SSUH2: variants seen among roughly 807,000 people sequenced by gnomAD.
SSUH2 encodes ssu-2 homolog.
SSUH2 carries 47 observed loss-of-function variants against 55.3 expected under a neutral mutation model. That is an observed-to-expected ratio of 0.85 (90% confidence interval 0.67 to 1.08). SSUH2 has a LOEUF of 1.08. Among genes scored for constraint, SSUH2 ranks in the 50% least tolerant of loss-of-function variants. The probability of loss-of-function intolerance (pLI) is 0.00; values close to 1 mark genes in which losing one functional copy is unlikely to be tolerated. For synonymous variants in SSUH2, 212 were observed against 191.5 expected (o/e 1.11, Z -0.89); for missense variants, 535 against 490.7 (o/e 1.09, Z -0.85).
intron 7 of SSUH2, among the ~76,000 whole-genome samples, chr3:8,628,904 G>T (rs1439398261): frequency 6.6e-6 from 1 of 152,238 alleles, no homozygotes; most frequent in Non-Finnish European, 1.5e-5. Flanking sequence ...CGCCCAGGCG[G>T]GAGTGCAGTG....
chr3:8,621,695 T>C (rs912158263), intron 11 of SSUH2, among the ~76,000 whole-genome samples: 1 of 152,218 alleles, frequency 6.6e-6, no homozygotes, highest in Non-Finnish European at 1.5e-5. Context: ...CCCCGGTGAC[T>C]GAGTTTTCTT....
Position 8,635,770 on chromosome 3 carries a change from A to G in SSUH2, c.116T>C (p.Leu39Pro). Residue 39 changes from leucine to proline, a missense_variant, in exon 2 of 12, where the codon CTT becomes CCT. By Grantham distance (98) the Leu-to-Pro change is moderately conservative. Coordinates refer to ENST00000544814, the MANE Select transcript of SSUH2 (RefSeq NM_001256748.3). Reference protein sequence around the residue: ...LERLPSYDWLLQGGRGQIFFP... With the variant: ...LERLPSYDWLPQGGRGQIFFP... ...CTCTTGGAACTTACTGCCCCCTTGA[A>G]GAAGCCAGTCATAGCTGGGCAGTCT... 3 of 1,535,774 alleles carry G rather than the reference A, an allele frequency of 2.0e-6. No individual in the cohort carries two copies. Among genetic ancestry groups the G allele is most frequent in the Non-Finnish European group, 1.7e-6 (2 of 1,146,720 alleles).
At chr3:8,664,471 G>A (rs151114190) in intron 5 of SSUH2, among the ~76,000 whole-genome samples, 1 of 151,622 alleles carries the variant, frequency 6.6e-6, no homozygotes, top group African/African-American at 2.4e-5. Context: ...CAAAATTTCT[G>A]AGCAATTTTT....
chr3:8,668,804 T>C (rs139275741), intron 5 of SSUH2, among the ~76,000 whole-genome samples: 126 of 152,358 alleles, frequency 8.3e-4, no homozygotes, highest in African/African-American at 2.8e-3. Context: ...GTTCTTGTTA[T>C]TCTTTGTGAT....
At chr3:8,633,585 C>T in intron 4 of SSUH2, 81 bp downstream of exon 4, 1 of 1,234,360 alleles carries the variant, frequency 8.1e-7, no homozygotes, top group Non-Finnish European at 1.1e-6. Flanking sequence ...GGCCACATCA[C>T]ACAAACAGGC....
chr3:8,681,715 G>T (rs961961935), intron 1 of SSUH2, among the ~76,000 whole-genome samples: 1 of 150,526 alleles, frequency 6.6e-6, no homozygotes, highest in Non-Finnish European at 1.5e-5. Context: ...CGCAGCGGGG[G>T]GAGGCACCCC....
intron 5 of SSUH2, chr3:8,663,916 G>GT (rs1370020083): frequency 2.3e-6 from 1 of 440,038 alleles, no homozygotes; most frequent in East Asian, 7.1e-5. Flanking sequence ...TGCTTTCTGA[G>GT]TAAGATAAAA....
Position 8,635,384 on chromosome 3 carries a change from G to GGA in SSUH2, c.128-5_128-4dup, listed in dbSNP as rs1412781764. ...AGGTGGGAAGAATATCTGTCCTCCTGGAGAAGGGAAGAGTCAGGGGCTGGA... is the reference window on the plus strand; with the variant it reads ...AGGTGGGAAGAATATCTGTCCTCCTGGAGAGAAGGGAAGAGTCAGGGGCTGGA... On this transcript the variant is annotated splice_region_variant and splice_polypyrimidine_tract_variant and intron_variant, in intron 2 of 11. Coordinates refer to ENST00000544814, the MANE Select transcript of SSUH2 (RefSeq NM_001256748.3). 2 of 1,535,094 alleles carry GGA rather than the reference G, an allele frequency of 1.3e-6. No individual in the cohort carries two copies. The highest frequency in any genetic ancestry group is 1.7e-6 in the Non-Finnish European group (2 of 1,146,162).
intron 2 of SSUH2, among the ~76,000 whole-genome samples, 155 bp from the exon 3 acceptor site, chr3:8,635,536 A>G (rs1699776595): frequency 6.6e-6 from 1 of 152,242 alleles, no homozygotes; most frequent in Non-Finnish European, 1.5e-5. Context: ...CAAGACCAGC[A>G]CCATCTAGGT....
At chr3:8,681,665 A>G (rs565024613) in intron 1 of SSUH2, among the ~76,000 whole-genome samples, 64 of 147,250 alleles carry the variant, frequency 4.3e-4, no homozygotes, top group Non-Finnish European at 9.0e-4. Flanking sequence ...ATGGGGACTG[A>G]AAGTCAGCCC....
chr3:8,645,037 A>C (rs1701492344), upstream of SSUH2, among the ~76,000 whole-genome samples: 1 of 152,146 alleles, frequency 6.6e-6, no homozygotes, highest in Non-Finnish European at 1.5e-5. Context: ...TGAGAGGGGC[A>C]CTGGTATCAT....
intron 11 of SSUH2, 72 bp downstream of exon 11, chr3:8,623,477 G>A (rs1447050001): frequency 4.2e-6 from 4 of 949,044 alleles, no homozygotes; most frequent in Non-Finnish European, 5.0e-6. Context: ...CCGCTCCGAC[G>A]TTCTCAGGAA....
chr3:8,680,166 A>G (rs1320462985), intron 1 of SSUH2, among the ~76,000 whole-genome samples: 1 of 152,178 alleles, frequency 6.6e-6, no homozygotes, highest in Non-Finnish European at 1.5e-5. Flanking sequence ...CTACGTCTCT[A>G]AACAACTAGA....
chr3:8,652,360 T>C (rs1221376804), intron 7 of SSUH2, among the ~76,000 whole-genome samples: 1 of 152,162 alleles, frequency 6.6e-6, no homozygotes, highest in Non-Finnish European at 1.5e-5. Flanking sequence ...CATCTCCAGA[T>C]TTTTCCCAAT....
chr3:8,624,910 C>CA (rs796835327), intron 10 of SSUH2, among the ~76,000 whole-genome samples: 46 of 152,230 alleles, frequency 3.0e-4, no homozygotes, highest in African/African-American at 1.0e-3. Flanking sequence ...CCCTCGCTCC[C>CA]ACGCCACAAG....
intron 5 of SSUH2, among the ~76,000 whole-genome samples, chr3:8,664,663 C>A (rs1279685213): frequency 6.6e-6 from 1 of 152,220 alleles, no homozygotes; most frequent in East Asian, 1.9e-4. Context: ...GACAGCAGAG[C>A]TGGGTCTAAG....
At chr3:8,633,881 C>A in intron 3 of SSUH2, 86 bp from the exon 4 acceptor site, 3 of 1,613,930 alleles carry the variant, frequency 1.9e-6, no homozygotes, top group Non-Finnish European at 1.7e-6. Context: ...AACGTGCAGG[C>A]GAGAAACTGA....
chr3:8,655,690 T>C (rs1199305388), intron 7 of SSUH2, among the ~76,000 whole-genome samples: 1 of 152,236 alleles, frequency 6.6e-6, no homozygotes, highest in Admixed American at 6.5e-5. Flanking sequence ...CGAATCCATT[T>C]TCTGATTGAC....
chr3:8,633,655 T>C lies in SSUH2; in HGVS notation c.339+11A>G, dbSNP rs755793036. The C allele has an allele frequency of 2.7e-6, 4 of 1,508,816 alleles. No individual in the cohort carries two copies. The East Asian group carries it at 9.1e-5, about 34-fold the overall frequency. 93.5% of individuals were successfully genotyped at this position (1,508,816 alleles called of 1,614,324 possible). A position where few individuals can be genotyped will look rare whatever the true frequency, so the allele number is the denominator to read the frequency against. On this transcript the variant is annotated intron_variant, in intron 4 of 11. Coordinates refer to ENST00000544814, the MANE Select transcript of SSUH2 (RefSeq NM_001256748.3). ...CCCGGCCAAGGCCCCCCACCGGCCC[T>C]GGCCTCTCACCCTGCAGAGGGTCTG...
Sources: allele counts gnomAD v4.1 joint callset (sites outside exome capture counted in the v4.1 genomes callset), GRCh38; gene constraint gnomAD v4.1.1; transcripts MANE v1.5; gene names NCBI Gene and HGNC (gene_info 2026-07-23, HGNC 2026-07-21).